Variants in FAM78B observed in about 807,000 individuals in gnomAD.
The protein encoded by FAM78B is protein FAM78B.
Under a neutral mutation model 20.0 loss-of-function variants are expected in FAM78B, and 10 were observed. The ratio of observed to expected loss-of-function variants is 0.50; its 90% CI spans 0.31 to 0.85. The LOEUF is 0.85. FAM78B is among the 40% of genes least tolerant of loss of function. The probability of loss-of-function intolerance (pLI) is 0.05; values close to 1 mark genes in which losing one functional copy is unlikely to be tolerated. For missense variants in FAM78B, 283 were observed against 345.0 expected (o/e 0.82, Z 1.42); for synonymous variants, 135 against 132.8 (o/e 1.02, Z -0.12).
At chr1:166,117,831 A>G (rs1159171072) in intron 1 of FAM78B, among the ~76,000 whole-genome samples, 1 of 152,220 alleles carries the variant, frequency 6.6e-6, no homozygotes, top group Non-Finnish European at 1.5e-5. Flanking sequence ...GGTTGAGTCA[A>G]GCGGGTTCTA....
intron 1 of FAM78B, among the ~76,000 whole-genome samples, chr1:166,128,927 A>G (rs1056001197): frequency 6.6e-6 from 1 of 152,218 alleles, no homozygotes; most frequent in Non-Finnish European, 1.5e-5. Context: ...TTAATTGTAT[A>G]GAGTGCTGGA....
At chr1:166,149,707 T>C (rs191421512) in intron 1 of FAM78B, among the ~76,000 whole-genome samples, 3 of 152,302 alleles carry the variant, frequency 2.0e-5, no homozygotes, top group Non-Finnish European at 4.4e-5. Context: ...GCCTTTTTCA[T>C]TACATTCAAG....
rs115307768 is a variant in FAM78B at position 166,076,462 on chromosome 1, G to A, written c.264-5699C>T. Among the ~76,000 whole-genome samples, 1,151 of 152,106 alleles carry A rather than the reference G, an allele frequency of 7.6e-3. 6 individuals carry two copies. Among genetic ancestry groups the A allele is most frequent in the Middle Eastern group, 0.034 (10 of 294 alleles). On this transcript the variant is annotated intron_variant, in intron 1 of 1. Coordinates refer to ENST00000354422, the MANE Select transcript of FAM78B (RefSeq NM_001017961.5). ...CCCTTATTCTTGGCCCAAATACCAC[G>A]TTCTCACTGCAATCTTTCCTAACAA...
At chr1:166,142,913 G>C (rs966212072) in intron 1 of FAM78B, among the ~76,000 whole-genome samples, 3 of 152,210 alleles carry the variant, frequency 2.0e-5, no homozygotes, top group African/African-American at 7.2e-5. Context: ...TGGTTTCTTA[G>C]TTCAGGGAGC....
chr1:166,108,040 C>T (rs549438588), intron 1 of FAM78B, among the ~76,000 whole-genome samples: 6 of 152,270 alleles, frequency 3.9e-5, no homozygotes, highest in East Asian at 3.9e-4. Context: ...CAACATAATA[C>T]TGAATAGGGA....
At chr1:166,110,272 T>TA (rs915198865) in intron 1 of FAM78B, among the ~76,000 whole-genome samples, 4 of 151,414 alleles carry the variant, frequency 2.6e-5, no homozygotes, top group East Asian at 2.0e-4. Flanking sequence ...AAAAAAATAT[T>TA]AAAAAAAAGA....
At chr1:166,106,079 C>G (rs1483027693) in intron 1 of FAM78B, among the ~76,000 whole-genome samples, 1 of 150,890 alleles carries the variant, frequency 6.6e-6, no homozygotes, top group African/African-American at 2.4e-5. Context: ...AGATGGAAAC[C>G]ATCATTCTCA....
chr1:166,074,392 T>C (rs1446656293), intron 1 of FAM78B, among the ~76,000 whole-genome samples: 1 of 152,216 alleles, frequency 6.6e-6, no homozygotes, highest in Non-Finnish European at 1.5e-5. Context: ...CACTCATAGA[T>C]ATATCTACAA....
chr1:166,105,440 T>G (rs997503593), intron 1 of FAM78B, among the ~76,000 whole-genome samples: 15 of 152,074 alleles, frequency 9.9e-5, no homozygotes, highest in African/African-American at 3.4e-4. Context: ...GGGAGAAAAT[T>G]TTCGCAACCT....
chr1:166,126,432 T>C (rs572038372), intron 1 of FAM78B, among the ~76,000 whole-genome samples: 2 of 152,188 alleles, frequency 1.3e-5, no homozygotes, highest in African/African-American at 2.4e-5. Flanking sequence ...AGAAATAGTA[T>C]GGATGAAATA....
intron 1 of FAM78B, among the ~76,000 whole-genome samples, chr1:166,127,852 C>T (rs1252670396): frequency 6.6e-6 from 1 of 152,208 alleles, no homozygotes; most frequent in Non-Finnish European, 1.5e-5. Flanking sequence ...GTACCAAGAT[C>T]ACACCTCACC....
chr1:166,142,184 T>C (rs1382361554), intron 1 of FAM78B, among the ~76,000 whole-genome samples: 2 of 152,174 alleles, frequency 1.3e-5, no homozygotes, highest in Non-Finnish European at 2.9e-5. Flanking sequence ...CATTATGCAA[T>C]GGAAAACCAT....
chr1:166,070,908 C>T, intron 1 of FAM78B, 145 bp from the exon 2 acceptor site: 3 of 772,028 alleles, frequency 3.9e-6, no homozygotes, highest in South Asian at 5.1e-5. Flanking sequence ...AAGTTCTATG[C>T]TGTGCTGTTT....
At chr1:166,130,848 A>C (rs1339183994) in intron 1 of FAM78B, among the ~76,000 whole-genome samples, 1 of 152,176 alleles carries the variant, frequency 6.6e-6, no homozygotes, top group Non-Finnish European at 1.5e-5. Flanking sequence ...ACATCTGCAC[A>C]GCCAGACACT....
intron 1 of FAM78B, among the ~76,000 whole-genome samples, chr1:166,116,521 C>A (rs1309052750): frequency 6.6e-6 from 1 of 152,200 alleles, no homozygotes; most frequent in African/African-American, 2.4e-5. Flanking sequence ...TTTCCATCAG[C>A]AGATTGGCAA....
chr1:166,088,816 G>A (rs1652946341), intron 1 of FAM78B, among the ~76,000 whole-genome samples: 1 of 152,102 alleles, frequency 6.6e-6, no homozygotes, highest in Non-Finnish European at 1.5e-5. Flanking sequence ...GCTGTGTGGG[G>A]CTAGTGGGCT....
intron 1 of FAM78B, among the ~76,000 whole-genome samples, chr1:166,142,373 G>A (rs1397037409): frequency 6.6e-6 from 1 of 152,140 alleles, no homozygotes; most frequent in East Asian, 1.9e-4. Context: ...TGGGAAGACT[G>A]CACAGCTGAG....
intron 1 of FAM78B, chr1:166,087,239 A>G (rs1047077003): frequency 6.6e-6 from 1 of 151,914 alleles, no homozygotes; most frequent in Non-Finnish European, 1.5e-5. Context: ...TAATTTTTGT[A>G]TTTTTGATAG....
At chr1:166,094,762 T>C (rs1653211509) in intron 1 of FAM78B, among the ~76,000 whole-genome samples, 1 of 152,140 alleles carries the variant, frequency 6.6e-6, no homozygotes, top group African/African-American at 2.4e-5. Context: ...GGATACCAAG[T>C]GAGGTTAAGA....
Sources: allele counts gnomAD v4.1 joint callset (sites outside exome capture counted in the v4.1 genomes callset), GRCh38; gene constraint gnomAD v4.1.1; transcripts MANE v1.5; gene names NCBI Gene and HGNC (gene_info 2026-07-23, HGNC 2026-07-21).